Variants in UVRAG observed in about 807,000 individuals in gnomAD.
UVRAG encodes UV radiation resistance-associated gene protein.
A neutral mutation model predicts 78.0 loss-of-function variants in UVRAG; 19 were observed. The observed-to-expected ratio is 0.24, with a 90% CI of 0.17 to 0.36. The LOEUF (loss-of-function observed/expected upper bound fraction) is 0.36, where lower values mean the gene tolerates loss of function less well. Ranked by LOEUF, UVRAG falls within the 10% of genes least tolerant of loss-of-function variation. UVRAG has a pLI of 1.00. For synonymous variants in UVRAG, 323 were observed against 324.6 expected, an observed-to-expected ratio of 1.00 and a Z score of 0.05; for missense variants, 740 against 853.8, an observed-to-expected ratio of 0.87 and a Z score of 1.66.
intron 3 of UVRAG, among the ~76,000 whole-genome samples, chr11:75,869,281 A>G (rs536385562): frequency 2.0e-4 from 30 of 152,222 alleles, no homozygotes; most frequent in Admixed American, 3.9e-4. Context: ...TAGGGAAAGC[A>G]TGTGGCATAA....
intron 3 of UVRAG, among the ~76,000 whole-genome samples, chr11:75,869,361 C>T (rs1378528790): frequency 1.3e-5 from 2 of 152,142 alleles, no homozygotes; most frequent in East Asian, 3.8e-4. Flanking sequence ...GGGAAAAAAA[C>T]TGGCTAAACA....
At chr11:76,002,351 A>AT (rs983970383) in intron 8 of UVRAG, among the ~76,000 whole-genome samples, 6 of 151,942 alleles carry the variant, frequency 3.9e-5, no homozygotes, top group African/African-American at 1.5e-4. Context: ...TGATTGGGAT[A>AT]TTTTTTTTAA....
At chr11:75,980,739 T>C (rs1194578492) in intron 7 of UVRAG, among the ~76,000 whole-genome samples, 4 of 151,462 alleles carry the variant, frequency 2.6e-5, no homozygotes, top group Non-Finnish European at 5.9e-5. Context: ...TGGAGTGTAA[T>C]GGCGTGACCT....
chr11:75,859,367 C>A (rs1247749336), intron 2 of UVRAG, among the ~76,000 whole-genome samples: 1 of 150,074 alleles, frequency 6.7e-6, no homozygotes, highest in Non-Finnish European at 1.5e-5. Flanking sequence ...CAGAGTGAGA[C>A]CCTGTCTCAA....
chr11:75,938,748 C>G (rs781128494), intron 6 of UVRAG, among the ~76,000 whole-genome samples: 2 of 152,160 alleles, frequency 1.3e-5, no homozygotes, highest in Non-Finnish European at 2.9e-5. Context: ...GGCCTTGGAT[C>G]ATTTCCTCAG....
chr11:76,073,323 T>G (rs1475837685), intron 13 of UVRAG, among the ~76,000 whole-genome samples: 2 of 152,188 alleles, frequency 1.3e-5, no homozygotes, highest in Non-Finnish European at 2.9e-5. Flanking sequence ...TTGTCTTTAC[T>G]TGAAAGAATG....
intron 7 of UVRAG, among the ~76,000 whole-genome samples, chr11:75,974,078 G>A (rs1385972368): frequency 2.0e-5 from 3 of 152,184 alleles, no homozygotes; most frequent in Admixed American, 1.3e-4. Context: ...CCAGTAACAG[G>A]ATGGCTGGGC....
chr11:76,107,317 C>T (rs1424609005), intron 13 of UVRAG, among the ~76,000 whole-genome samples: 1 of 152,154 alleles, frequency 6.6e-6, no homozygotes, highest in Non-Finnish European at 1.5e-5. Flanking sequence ...GGATTCTGGT[C>T]CCTGGACTCA....
chr11:75,970,196 C>T (rs1224833593), intron 7 of UVRAG, among the ~76,000 whole-genome samples: 1 of 152,088 alleles, frequency 6.6e-6, no homozygotes, highest in Non-Finnish European at 1.5e-5. Flanking sequence ...AGATTTGTAT[C>T]TGGAGGTAAA....
At chr11:75,897,172 A>G (rs1947360330) in intron 5 of UVRAG, among the ~76,000 whole-genome samples, 1 of 152,230 alleles carries the variant, frequency 6.6e-6, no homozygotes, top group Non-Finnish European at 1.5e-5. Flanking sequence ...ATATAACTTG[A>G]TCGTCTCGAG....
At chr11:75,911,718 G>A (rs571919510) in intron 5 of UVRAG, 112 of 359,130 alleles carry the variant, frequency 3.1e-4, no homozygotes, top group African/African-American at 2.2e-3. Flanking sequence ...GCTGGGCTGG[G>A]CGCGCTCCTT....
At chr11:75,854,677 A>G (rs944968175) in intron 2 of UVRAG, among the ~76,000 whole-genome samples, 1 of 152,182 alleles carries the variant, frequency 6.6e-6, no homozygotes, top group East Asian at 1.9e-4. Flanking sequence ...TTAGTCTCCC[A>G]AAATGCTGGG....
At chr11:75,900,928 C>A (rs1947480146) in intron 5 of UVRAG, among the ~76,000 whole-genome samples, 1 of 152,146 alleles carries the variant, frequency 6.6e-6, no homozygotes, top group South Asian at 2.1e-4. Context: ...AAACACTGGG[C>A]CAAATCTGAG....
intron 12 of UVRAG, among the ~76,000 whole-genome samples, chr11:76,035,066 A>T (rs142827231): frequency 5.3e-5 from 8 of 152,310 alleles, no homozygotes; most frequent in African/African-American, 1.4e-4. Flanking sequence ...AAATGTGTAG[A>T]TGACGAATTT....
chr11:75,915,368 G>T (rs1348959090), intron 6 of UVRAG, among the ~76,000 whole-genome samples: 2 of 152,198 alleles, frequency 1.3e-5, no homozygotes, highest in Non-Finnish European at 2.9e-5. Flanking sequence ...GCTAATTTCA[G>T]TGTTGCCAAA....
At chr11:76,006,313 C>T (rs1022700017) in intron 9 of UVRAG, among the ~76,000 whole-genome samples, 2 of 152,064 alleles carry the variant, frequency 1.3e-5, no homozygotes, top group African/African-American at 4.8e-5. Flanking sequence ...GTTGATCAGG[C>T]AACTTACTTT....
At chr11:75,987,034 T>C (rs1260274580) in intron 8 of UVRAG, among the ~76,000 whole-genome samples, 2 of 152,244 alleles carry the variant, frequency 1.3e-5, no homozygotes, top group Non-Finnish European at 2.9e-5. Context: ...TGTTTCCGCT[T>C]TCTGTCTATC....
At chr11:75,906,086 A>G (rs1947608614) in intron 5 of UVRAG, among the ~76,000 whole-genome samples, 1 of 152,076 alleles carries the variant, frequency 6.6e-6, no homozygotes, top group South Asian at 2.1e-4. Context: ...TCTTTATATC[A>G]TCTGGAAATT....
At chr11:76,054,618 T>C (rs1330182591) in intron 12 of UVRAG, among the ~76,000 whole-genome samples, 1 of 152,232 alleles carries the variant, frequency 6.6e-6, no homozygotes, top group Non-Finnish European at 1.5e-5. Context: ...CAGGCATTCC[T>C]GTCTCAAGGC....
Sources: gnomAD v4.1 joint callset for allele counts (sites outside exome capture counted in the v4.1 genomes callset) on GRCh38, gnomAD v4.1.1 for gene constraint, MANE v1.5 for transcripts, NCBI Gene and HGNC (gene_info 2026-07-23, HGNC 2026-07-21) for gene names.